The following TRIM21 variants were observed in gnomAD, a reference collection of about 807,000 sequenced individuals.
TRIM21 encodes the protein tripartite motif containing 21, also known as E3 ubiquitin-protein ligase TRIM21.
Under a neutral mutation model 36.1 loss-of-function variants are expected in TRIM21, and 35 were observed. The ratio of observed to expected loss-of-function variants is 0.97; its 90% confidence interval spans 0.74 to 1.28. The LOEUF (loss-of-function observed/expected upper bound fraction) is 1.28, where lower values mean the gene tolerates loss of function less well. Ranked by LOEUF, TRIM21 falls within the 50% of genes most tolerant of loss-of-function variation. The pLI, the probability that TRIM21 is intolerant of heterozygous loss-of-function variation, is 0.00. For synonymous variants in TRIM21, 256 were observed against 211.5 expected, an observed-to-expected ratio of 1.21 and a Z score of -1.83; for missense variants, 635 against 570.7, an observed-to-expected ratio of 1.11 and a Z score of -1.15.
chr11:4,388,474 G>T lies in TRIM21; in HGVS notation c.561C>A (p.Asn187Lys). ...RIHAEFVQQK[N>K]FLVEEEQRQL... ...GCCTCTGTTCTTCTTCAACCAGGAA[G>T]TTTTTTTGCTGCACAAACTCTGCGT... Residue 187 changes from asparagine to lysine, a missense_variant, in exon 4 of 7, where the codon AAC (asparagine) becomes AAA (lysine). Coordinates refer to ENST00000254436, the MANE Select transcript of TRIM21 (RefSeq NM_003141.4). The T allele has an allele frequency of 1.2e-6, 2 of 1,613,220 alleles. No individual in the cohort carries two copies. The highest frequency in any genetic ancestry group is 1.7e-6 in the Non-Finnish European group (2 of 1,179,884).
At chr11:4,388,551 G>C in intron 3 of TRIM21, 21 bp from the exon 4 acceptor site, 1 of 1,599,288 alleles carries the variant, frequency 6.3e-7, no homozygotes, top group Non-Finnish European at 8.5e-7. Flanking sequence ...AAGGGAAAGG[G>C]AGAGGTGGTT....
At position 4,390,228 on chromosome 11, in the gene TRIM21, T is replaced by C; in HGVS notation, c.182A>G (p.Lys61Arg). 6.2e-7 allele frequency: 1 copy of C among 1,614,036 alleles called. No individual in the cohort carries two copies. The highest frequency in any genetic ancestry group is 8.5e-7 in the Non-Finnish European group (1 of 1,179,906). Residue 61 changes from lysine to arginine, a missense_variant, in exon 2 of 7, where the codon AAG becomes AGG. Physicochemically the swap from Lys to Arg is conservative, Grantham distance 26. Transcript: ENST00000254436. The stretch of plus-strand genomic sequence containing the variant: ...TAGCTGTCGATTGGGCCGGAGATTC[T>C]TGAGCAGAAAGCGCTGCCGGCACAC... The part of the protein sequence containing the change: ...CPVCRQRFLL[K>R]NLRPNRQLAN...
In TRIM21 at chr11:4,390,133, C is replaced by T. The variant is rs2094961283; in HGVS notation, c.277G>A (p.Ala93Thr). The T allele has an allele frequency of 6.2e-7, 1 of 1,614,060 alleles. No individual in the cohort carries two copies. The highest frequency in any genetic ancestry group is 1.1e-5 in the South Asian group (1 of 91,082). Residue 93 changes from alanine (A) to threonine (T), a missense_variant, in exon 2 of 7, where the codon GCA (alanine) becomes ACA (threonine). Transcript: ENST00000254436. The stretch of plus-strand genomic sequence containing the variant: ...AGGTGAAGTCTCTCTCCATGCACTG[C>T]ACACCGTTCCCCCTGTGTGCCCTCT... ...AREGTQGERC[A>T]VHGERLHLFC...
chr11:4,390,474 A>C lies in TRIM21; in HGVS notation c.-49-16T>G, dbSNP rs1378926283. The C allele has an allele frequency of 6.7e-7, 1 of 1,487,528 alleles. No homozygotes were observed. The highest frequency in any genetic ancestry group is 2.3e-5 in the East Asian group (1 of 43,680). 92.1% of individuals were successfully genotyped at this position (1,487,528 alleles called of 1,614,324 possible). A position where few individuals can be genotyped will look rare whatever the true frequency, so the allele number is the denominator to read the frequency against. On this transcript the variant is annotated splice_polypyrimidine_tract_variant and intron_variant, in intron 1 of 6. Coordinates refer to ENST00000254436, the MANE Select transcript of TRIM21 (RefSeq NM_003141.4). ...GGGGGTTTGGCTGGGAGAGAAGAAG[A>C]AAGGGAAAAGAGAATATGAGAAAGT...
chr11:4,385,611 G>T lies in TRIM21; in HGVS notation c.1102C>A (p.His368Asn), dbSNP rs1431593012. 12 of 1,612,742 alleles carry T rather than the reference G, an allele frequency of 7.4e-6. No homozygotes were observed. The South Asian group carries it at 1.3e-4, about 18-fold the overall frequency. The stretch of plus-strand genomic sequence containing the variant: ...CCACTCTTGGAACTAAGCAAAAAGT[G>T]CCCCTTCCTGCGCACAGAGTCTCTG... ...VCRDSVRRKG[H>N]FLLSSKSGFW... The change falls in exon 7 of 7, where the codon CAC (histidine) becomes AAC (asparagine). Residue 368 changes from histidine (H) to asparagine (N), a missense_variant. Coordinates refer to ENST00000254436, the MANE Select transcript of TRIM21 (RefSeq NM_003141.4).
At chr11:4,393,313 C>T (rs1383249100) in intron 1 of TRIM21, among the ~76,000 whole-genome samples, 1 of 152,140 alleles carries the variant, frequency 6.6e-6, no homozygotes, top group East Asian at 1.9e-4. Context: ...CAGGTGCCAG[C>T]ATGGGGGCAG....
At position 4,389,344 on chromosome 11, in the gene TRIM21, G is replaced by A. The variant is rs568319859; in HGVS notation, c.504+310C>T. On this transcript the variant is annotated intron_variant, in intron 3 of 6. Transcript: ENST00000254436. Reference sequence around the variant, plus strand: ...TAGGATATTTGTCTCACACATCCAGGTGCTGACGCCATCACACCTCTGAGA... The same window carrying A: ...TAGGATATTTGTCTCACACATCCAGATGCTGACGCCATCACACCTCTGAGA... Among the ~76,000 whole-genome samples the A allele has an allele frequency of 1.2e-4, 18 of 152,276 alleles. No individual in the cohort carries two copies. The East Asian group carries it at 3.3e-3, about 28-fold the overall frequency.
chr11:4,385,961 C>G (rs946518162), intron 6 of TRIM21, 108 bp from the exon 7 acceptor site: 1 of 1,220,280 alleles, frequency 8.2e-7, no homozygotes, highest in African/African-American at 1.5e-5. Flanking sequence ...GAGGGGTGAA[C>G]CTCCCTGTGT....
At chr11:4,390,906 C>A (rs1228429887) in intron 1 of TRIM21, among the ~76,000 whole-genome samples, 1 of 152,192 alleles carries the variant, frequency 6.6e-6, no homozygotes, top group Non-Finnish European at 1.5e-5. Flanking sequence ...CTATGTCTCA[C>A]CGTATACAGA....
chr11:4,387,022 G>A (rs1237265518), intron 4 of TRIM21, 32 bp from the exon 5 acceptor site: 3 of 1,563,492 alleles, frequency 1.9e-6, no homozygotes, highest in Non-Finnish European at 2.6e-6. Context: ...AGTAAGTTCT[G>A]GATTGCTGGA....
Position 4,384,910 on chromosome 11 carries a change from A to G in TRIM21, c.*375T>C, listed in dbSNP as rs2094954115. On this transcript the variant is annotated 3_prime_UTR_variant, in exon 7 of 7. Transcript: ENST00000254436. ...GATAGACGGAGGCACAGTTTTTTAA[A>G]TTTTATTTTTTATTTTTAGGAAGCC... 2 of 184,830 alleles carry G rather than the reference A, an allele frequency of 1.1e-5. No homozygotes were observed. Among genetic ancestry groups the G allele is most frequent in the Non-Finnish European group, 2.2e-5 (2 of 89,496 alleles). The allele number at this position is 184,830 out of a possible 1,614,324, so 11.4% of individuals were successfully genotyped here. A position where few individuals can be genotyped will look rare whatever the true frequency, so the allele number is the denominator to read the frequency against.
Position 4,390,012 on chromosome 11 carries a change from T to G in TRIM21, c.398A>C (p.Gln133Pro). The G allele has an allele frequency of 5.6e-6, 9 of 1,613,782 alleles. No homozygotes were observed. Among genetic ancestry groups the G allele is most frequent in the Non-Finnish European group, 6.8e-6 (8 of 1,179,780 alleles). ...TCTCTTAGGCCTCACCTGGTACTCC[T>G]GTGCAGCCTCCTCAAGAGGGACCAT... ...HAMVPLEEAA[Q>P]EYQEKLQVAL... The change falls in exon 2 of 7, where the codon CAG becomes CCG. Residue 133 changes from glutamine to proline, a missense_variant. Coordinates refer to ENST00000254436, the MANE Select transcript of TRIM21 (RefSeq NM_003141.4).
chr11:4,391,538 A>G (rs527989803), intron 1 of TRIM21, among the ~76,000 whole-genome samples: 18 of 152,312 alleles, frequency 1.2e-4, no homozygotes, highest in Middle Eastern at 3.4e-3. Flanking sequence ...AATACTGAAG[A>G]TAGAGCTACC....
At position 4,385,846 on chromosome 11, in the gene TRIM21, G is replaced by C. The variant is rs2094955708; in HGVS notation, c.867C>G (p.Ile289Met). The C allele has an allele frequency of 1.2e-6, 2 of 1,607,796 alleles. No homozygotes were observed. The highest frequency in any genetic ancestry group is 1.7e-6 in the Non-Finnish European group (2 of 1,176,816). Residue 289 changes from isoleucine (I) to methionine (M), a missense_variant, in exon 7 of 7, where the codon ATC becomes ATG. Coordinates refer to ENST00000254436, the MANE Select transcript of TRIM21 (RefSeq NM_003141.4). The stretch of plus-strand genomic sequence containing the variant: ...GATTGGCTGTGTCTGGATCCAGAGT[G>C]ATGTGGACTGCAGAGAGAGGACCAC... The part of the protein sequence containing the change: ...KKMLRTCAVH[I>M]TLDPDTANPW...
In TRIM21 at chr11:4,385,707, G is replaced by T. The variant is rs1054808272; in HGVS notation, c.1006C>A (p.His336Asn). 1 of 1,613,126 alleles carries T rather than the reference G, an allele frequency of 6.2e-7. No individual in the cohort carries two copies. The highest frequency in any genetic ancestry group is 8.5e-7 in the Non-Finnish European group (1 of 1,179,592). Residue 336 changes from histidine to asparagine, a missense_variant, in exon 7 of 7, where the codon CAC becomes AAC. Physicochemically the swap from His to Asn is moderately conservative, Grantham distance 68. Transcript: ENST00000254436. Reference protein sequence around the residue: ...DSYPMVLGAQHFHSGKHYWEV... With the variant: ...DSYPMVLGAQNFHSGKHYWEV... Reference sequence around the variant, plus strand: ...CAGTAATGTTTTCCAGAGTGAAAGTGCTGGGCACCCAGGACCATAGGATAA... The same window carrying T: ...CAGTAATGTTTTCCAGAGTGAAAGTTCTGGGCACCCAGGACCATAGGATAA...
At chr11:4,393,169 C>T (rs893657984) in intron 1 of TRIM21, among the ~76,000 whole-genome samples, 1 of 152,204 alleles carries the variant, frequency 6.6e-6, no homozygotes, top group Non-Finnish European at 1.5e-5. Context: ...AAACAGCCTG[C>T]CCCTCTCACC....
rs2094958663 is a variant in TRIM21, at chr11:4,388,256, C to T, written c.735+44G>A. ...AGTTCCAGATAGCTCTGGTCTTTTT[C>T]AGTTATTCCCTGAATTGTAGAAGGA... On this transcript the variant is annotated intron_variant, in intron 4 of 6. Transcript: ENST00000254436. 3.3e-6 allele frequency: 5 copies of T among 1,532,758 alleles called. No homozygotes were observed. The South Asian group carries it at 3.5e-5, about 11-fold the overall frequency. The allele number at this position is 1,532,758 out of a possible 1,614,324, so 94.9% of individuals were successfully genotyped here.
Position 4,385,268 on chromosome 11 carries a change from G to C in TRIM21, c.*17C>G. 6.3e-7 allele frequency: 1 copy of C among 1,596,634 alleles called. No homozygotes were observed. Among genetic ancestry groups the C allele is most frequent in the Non-Finnish European group, 8.5e-7 (1 of 1,170,862 alleles). ...AGCGGTGCCAATGGGGAGAGTGGCA[G>C]TGTCCAGAGAAAGCCATCAATAGTC... On this transcript the variant is annotated 3_prime_UTR_variant, in exon 7 of 7. Coordinates refer to ENST00000254436, the MANE Select transcript of TRIM21 (RefSeq NM_003141.4).
intron 1 of TRIM21, among the ~76,000 whole-genome samples, chr11:4,391,266 A>G (rs1484476432): frequency 1.3e-5 from 2 of 152,242 alleles, no homozygotes; most frequent in Admixed American, 6.5e-5. Flanking sequence ...TGGACAAAAG[A>G]TCTGAACAGA....
Sources: allele counts gnomAD v4.1 joint callset (sites outside exome capture counted in the v4.1 genomes callset), GRCh38; gene constraint gnomAD v4.1.1; transcripts MANE v1.5; gene names NCBI Gene and HGNC (gene_info 2026-07-23, HGNC 2026-07-21).